NUTM1: variants seen among roughly 807,000 people sequenced by gnomAD.
NUTM1 encodes NUT family member 1.
Under a neutral mutation model 88.7 loss-of-function variants are expected in NUTM1, and 39 were observed. The observed-to-expected ratio is 0.44, with a 90% confidence interval of 0.34 to 0.57. The LOEUF is 0.57. Among genes scored for constraint, NUTM1 ranks in the 20% least tolerant of loss-of-function variants. The probability of loss-of-function intolerance (pLI) is 0.01; values close to 1 mark genes in which losing one functional copy is unlikely to be tolerated. For synonymous variants in NUTM1, 494 were observed against 538.0 expected (o/e 0.92, Z 1.13); for missense variants, 1,350 against 1,414.5 (o/e 0.95, Z 0.73).
At chr15:34,354,927 G>A (rs1890774062) in intron 6 of NUTM1, 94 bp from the exon 7 acceptor site, 1 of 1,065,436 alleles carries the variant, frequency 9.4e-7, no homozygotes, top group South Asian at 1.3e-5. Flanking sequence ...GGTAAGAGGG[G>A]AGAGTTGGGG....
rs986669889 is a variant in NUTM1 at position 34,343,509 on chromosome 15, C to G, written c.-188C>G. On this transcript the variant is annotated 5_prime_UTR_variant, in exon 1 of 8. Coordinates refer to ENST00000537011, the MANE Select transcript of NUTM1 (RefSeq NM_001284292.2). ...GGGAAGAAAGAAGAGGTTTTCTTCC[C>G]TCCCCTCTTTTACATCCAGTTCCCC... 16 of 1,351,684 alleles carry G rather than the reference C, an allele frequency of 1.2e-5. No homozygotes were observed. The highest frequency in any genetic ancestry group is 1.5e-5 in the Non-Finnish European group (15 of 997,218). The allele number at this position is 1,351,684 out of a possible 1,614,324, so 83.7% of individuals were successfully genotyped here. A position where few individuals can be genotyped will look rare whatever the true frequency, so the allele number is the denominator to read the frequency against.
At chr15:34,343,794 G>A (rs1311670049) in intron 1 of NUTM1, 92 bp downstream of exon 1, 2 of 1,146,308 alleles carry the variant, frequency 1.7e-6, no homozygotes, top group Non-Finnish European at 2.4e-6. Context: ...TAAGACTCTC[G>A]TTTAAAGAAA....
rs183824393 is a variant in NUTM1 at position 34,345,635 on chromosome 15, T to C, written c.7-307T>C. Among the ~76,000 whole-genome samples the C allele has an allele frequency of 2.0e-5, 3 of 152,344 alleles. No individual in the cohort carries two copies. The East Asian group carries it at 5.8e-4, about 29-fold the overall frequency. On this transcript the variant is annotated intron_variant, in intron 1 of 7. Transcript: ENST00000537011. ...GGATGGAAGGACACAAAATGAGATA[T>C]GTTGGTGAAGAATCGAAGTGTAGTG...
At chr15:34,353,017 C>G (rs1324365290) in intron 4 of NUTM1, among the ~76,000 whole-genome samples, 1 of 147,964 alleles carries the variant, frequency 6.8e-6, no homozygotes, top group African/African-American at 2.5e-5. Flanking sequence ...TCCCGAGTAG[C>G]TGGGATTACA....
At position 34,357,143 on chromosome 15, in the gene NUTM1, C is replaced by G. The variant is rs7163178; in HGVS notation, c.3135C>G (p.Leu1045=). ...AAGCAGAGGAAGAGGATGAGGAACT[C>G]TCCAACTTTGCTTACCTCTTGGCCT... The part of the protein sequence containing the change: ...KKEAEEEDEE[L]SNFAYLLASK... Residue 1045 remains leucine, a synonymous_variant, in exon 8 of 8, where the codon CTC becomes CTG. Transcript: ENST00000537011. 6.2e-7 allele frequency: 1 copy of G among 1,614,172 alleles called. No homozygotes were observed. The highest frequency in any genetic ancestry group is 2.2e-5 in the East Asian group (1 of 44,880).
At chr15:34,350,302 T>C (rs1347511668) in intron 3 of NUTM1, among the ~76,000 whole-genome samples, 9 of 152,218 alleles carry the variant, frequency 5.9e-5, no homozygotes, top group Admixed American at 5.9e-4. Flanking sequence ...GGTTAGCAAA[T>C]GCCTTTAAAG....
chr15:34,354,629 A>G lies in NUTM1; in HGVS notation c.1259A>G (p.Gln420Arg). 1 of 1,614,170 alleles carries G rather than the reference A, an allele frequency of 6.2e-7. No homozygotes were observed. Among genetic ancestry groups the G allele is most frequent in the Non-Finnish European group, 8.5e-7 (1 of 1,180,022 alleles). ...HLATGESDGK[Q>R]EEEGQQQEEE... Reference sequence around the variant, plus strand: ...GCCACTGGGGAGTCAGATGGAAAACAAGAGGAAGAAGGGCAGCAGCAGGAG... The same window carrying G: ...GCCACTGGGGAGTCAGATGGAAAACGAGAGGAAGAAGGGCAGCAGCAGGAG... Residue 420 changes from glutamine (Q) to arginine (R), a missense_variant, in exon 6 of 8, where the codon CAA (glutamine) becomes CGA (arginine). Coordinates refer to ENST00000537011, the MANE Select transcript of NUTM1 (RefSeq NM_001284292.2).
In NUTM1 at chr15:34,348,259, C is replaced by A. The variant is rs765586587; in HGVS notation, c.391C>A (p.Gln131Lys). 1 of 1,614,262 alleles carries A rather than the reference C, an allele frequency of 6.2e-7. No individual in the cohort carries two copies. Among genetic ancestry groups the A allele is most frequent in the South Asian group, 1.1e-5 (1 of 91,090 alleles). Residue 131 changes from glutamine to lysine, a missense_variant, in exon 3 of 8, where the codon CAA (glutamine) becomes AAA (lysine). Around this residue, in one of 5 missense-constraint regions of NUTM1, gnomAD observed 399 missense variants for 397.9 expected, o/e 1.00. Coordinates refer to ENST00000537011, the MANE Select transcript of NUTM1 (RefSeq NM_001284292.2). ...KTEGGSAEPSQTQNFILTQTA... is the reference protein window; with the variant it reads ...KTEGGSAEPSKTQNFILTQTA... ...AGAAGGGGGGTCAGCTGAGCCCTCT[C>A]AAACTCAGAACTTTATCCTTACTCA...
At chr15:34,348,717 T>A in intron 3 of NUTM1, 40 bp downstream of exon 3, 1 of 1,427,426 alleles carries the variant, frequency 7.0e-7, no homozygotes, top group Non-Finnish European at 9.7e-7. Context: ...CTAGGGCTTT[T>A]AAATAAGGAG....
intron 2 of NUTM1, among the ~76,000 whole-genome samples, chr15:34,347,088 C>T (rs1890606718): frequency 6.6e-6 from 1 of 151,898 alleles, no homozygotes; most frequent in African/African-American, 2.4e-5. Flanking sequence ...CCCTCTTTCA[C>T]CTGTTGAGAA....
At position 34,356,538 on chromosome 15, in the gene NUTM1, T is replaced by A; in HGVS notation, c.2530T>A (p.Leu844Met). 1 of 1,613,962 alleles carries A rather than the reference T, an allele frequency of 6.2e-7. No homozygotes were observed. Among genetic ancestry groups the A allele is most frequent in the Non-Finnish European group, 8.5e-7 (1 of 1,179,948 alleles). The change falls in exon 8 of 8, where the codon TTG becomes ATG. Residue 844 changes from leucine (L) to methionine (M), a missense_variant. Around this residue, in one of 5 missense-constraint regions of NUTM1, gnomAD observed 730 missense variants for 728.8 expected, o/e 1.00. Coordinates refer to ENST00000537011, the MANE Select transcript of NUTM1 (RefSeq NM_001284292.2). ...ACCTTTGAGGGCCAACAGCCCACCCTTGAGGTCCAAAGAAAATCAAGAACA... is the reference window on the plus strand; with the variant it reads ...ACCTTTGAGGGCCAACAGCCCACCCATGAGGTCCAAAGAAAATCAAGAACA... The part of the protein sequence containing the change: ...PGPLRANSPP[L>M]RSKENQEQSC...
Position 34,355,940 on chromosome 15 carries a change from T to C in NUTM1, c.1932T>C (p.Thr644=). The C allele has an allele frequency of 6.2e-7, 1 of 1,614,088 alleles. No homozygotes were observed. The highest frequency in any genetic ancestry group is 1.1e-5 in the South Asian group (1 of 91,086). Residue 644 remains threonine (T), a synonymous_variant, in exon 8 of 8, where the codon ACT becomes ACC. Transcript: ENST00000537011. The surrounding 1 kb of genome is among the most constrained non-coding windows in gnomAD (Gnocchi z 4.3). ...GGCACTGCCTGGTGGCTGATAGGAC[T>C]TCAGAGGCTCTGCCCCTTTGTTGGC... ...PPGHCLVADR[T]SEALPLCWQG...
In NUTM1 at chr15:34,355,879, A is replaced by C. The variant is rs753190482; in HGVS notation, c.1871A>C (p.His624Pro). The C allele has an allele frequency of 5.6e-6, 9 of 1,613,906 alleles. 1 individual carries two copies. The South Asian group carries it at 9.9e-5, about 18-fold the overall frequency. ...SGKVINQVSL[H>P]QDGHLGGAGP... ...AAGGTTATAAACCAGGTATCTCTACATCAGGATGGCCATCTAGGAGGCGCT... is the reference window on the plus strand; with the variant it reads ...AAGGTTATAAACCAGGTATCTCTACCTCAGGATGGCCATCTAGGAGGCGCT... The change falls in exon 8 of 8, where the codon CAT becomes CCT. Residue 624 changes from histidine (H) to proline (P), a missense_variant. His to Pro is a moderately conservative substitution (Grantham distance 77, BLOSUM62 -2). This residue lies in a region of NUTM1 where 730 missense variants were observed against 728.8 expected (regional missense o/e 1.00). Transcript: ENST00000537011. The surrounding 1 kb of genome is among the most constrained non-coding windows in gnomAD (Gnocchi z 4.3).
rs754758926 is a variant in NUTM1, at chr15:34,355,111, CAAG to C, written c.1460_1462del (p.Glu487del). ...CTTGGCCTTAATTGAGGAGCTAGAG[CAAG>C]AAGAAGGACTCACTCTTGCCCAGGT... On this transcript the variant is annotated inframe_deletion, in exon 7 of 8. Transcript: ENST00000537011. The surrounding 1 kb of genome is among the most constrained non-coding windows in gnomAD (Gnocchi z 4.3). 2.0e-5 allele frequency: 33 copies of C among 1,611,880 alleles called. No homozygotes were observed. Among genetic ancestry groups the C allele is most frequent in the African/African-American group, 4.0e-5 (3 of 74,862 alleles).
chr15:34,352,615 G>A (rs1429666251), intron 4 of NUTM1, among the ~76,000 whole-genome samples: 5 of 146,910 alleles, frequency 3.4e-5, no homozygotes, highest in African/African-American at 1.0e-4. Context: ...TGGCTAACAC[G>A]GTGAAACCCC....
intron 1 of NUTM1, among the ~76,000 whole-genome samples, chr15:34,345,358 G>T (rs1369404592): frequency 6.6e-6 from 1 of 152,244 alleles, no homozygotes. Context: ...TTTCAGCAAA[G>T]GGTAAGGCGT....
intron 6 of NUTM1, 57 bp from the exon 7 acceptor site, chr15:34,354,964 C>T: frequency 2.9e-6 from 4 of 1,363,692 alleles, no homozygotes; most frequent in Non-Finnish European, 4.2e-6. Context: ...TGTAAAGCCC[C>T]TTGTTTCACA....
In NUTM1 at chr15:34,355,720, C is replaced by T. The variant is rs1344423674; in HGVS notation, c.1712C>T (p.Ala571Val). ...GAAGTGCATGGTGGGCAGGAGCAAG[C>T]CCTAGATAGCCCCAGAGGGATGCAC... ...AREVHGGQEQ[A>V]LDSPRGMHRD... Residue 571 changes from alanine (A) to valine (V), a missense_variant, in exon 8 of 8, where the codon GCC (alanine) becomes GTC (valine). Physicochemically the swap from Ala to Val is moderately conservative, Grantham distance 64. Coordinates refer to ENST00000537011, the MANE Select transcript of NUTM1 (RefSeq NM_001284292.2). This position sits in a 1 kb window ranked among gnomAD's most constrained non-coding sequence, Gnocchi z 4.3. 5.6e-6 allele frequency: 9 copies of T among 1,612,996 alleles called. No homozygotes were observed. Among genetic ancestry groups the T allele is most frequent in the Non-Finnish European group, 7.6e-6 (9 of 1,179,442 alleles).
chr15:34,348,629 G>A lies in NUTM1; in HGVS notation c.761G>A (p.Arg254Lys), dbSNP rs1289133378. 3.1e-6 allele frequency: 5 copies of A among 1,609,456 alleles called. No homozygotes were observed. The highest frequency in any genetic ancestry group is 3.4e-6 in the Non-Finnish European group (4 of 1,179,966). The change falls in exon 3 of 8, where the codon AGG becomes AAG. Residue 254 changes from arginine to lysine, a missense_variant. By Grantham distance (26) the Arg-to-Lys change is conservative. Around this residue, in one of 5 missense-constraint regions of NUTM1, gnomAD observed 399 missense variants for 397.9 expected, o/e 1.00. Coordinates refer to ENST00000537011, the MANE Select transcript of NUTM1 (RefSeq NM_001284292.2). ...QWQRYKALAR[R>K]HLSQSPDTEA... Reference sequence around the variant, plus strand: ...CAGCGTTACAAAGCCTTGGCCCGGAGGCACCTATCCCAGAGTCCTGACACA... The same window carrying A: ...CAGCGTTACAAAGCCTTGGCCCGGAAGCACCTATCCCAGAGTCCTGACACA...
Sources: gnomAD v4.1 joint callset for allele counts (sites outside exome capture counted in the v4.1 genomes callset) on GRCh38, gnomAD v4.1.1 for gene constraint, gnomAD v4.1.1 regional missense constraint, Gnocchi (gnomAD v3.1) non-coding constraint, MANE v1.5 for transcripts, NCBI Gene and HGNC (gene_info 2026-07-23, HGNC 2026-07-21) for gene names.